CACNA2D1: variants seen among roughly 807,000 people sequenced by gnomAD.
The protein encoded by CACNA2D1 is voltage-dependent calcium channel subunit alpha-2/delta-1.
A neutral mutation model predicts 171.5 loss-of-function variants in CACNA2D1; 53 were observed. The observed-to-expected ratio is 0.31, with a 90% CI of 0.25 to 0.39. CACNA2D1 has a LOEUF of 0.39. CACNA2D1 is among the 10% of genes least tolerant of loss of function. The pLI, the probability that CACNA2D1 is intolerant of heterozygous loss-of-function variation, is 1.00. For synonymous variants in CACNA2D1, 442 were observed against 443.1 expected, an observed-to-expected ratio of 1.00 and a Z score of 0.03; for missense variants, 903 against 1,299.8, an observed-to-expected ratio of 0.69 and a Z score of 4.69.
At chr7:82,375,656 G>A (rs1225180746) in intron 1 of CACNA2D1, among the ~76,000 whole-genome samples, 1 of 152,092 alleles carries the variant, frequency 6.6e-6, no homozygotes, top group African/African-American at 2.4e-5. Context: ...CAAAGTTAAC[G>A]AGCTTTCTGT....
chr7:81,947,966 C>T lies in CACNA2D1; in HGVS notation c.*2426G>A, dbSNP rs1792169952. ...CATGCATATAAATATATTTTGATGG[C>T]AACAGAAATTAAATAGGATCCTGCC... On this transcript the variant is annotated 3_prime_UTR_variant, in exon 39 of 39. Coordinates refer to ENST00000356860, the MANE Select transcript of CACNA2D1 (RefSeq NM_000722.4). 6.6e-6 allele frequency: 1 copy of T among 151,478 alleles called. No individual in the cohort carries two copies. The highest frequency in any genetic ancestry group is 1.5e-5 in the Non-Finnish European group (1 of 67,726). 9.4% of individuals were successfully genotyped at this position (151,478 alleles called of 1,614,324 possible).
At chr7:82,009,856 A>G (rs1293675250) in intron 15 of CACNA2D1, among the ~76,000 whole-genome samples, 2 of 152,058 alleles carry the variant, frequency 1.3e-5, no homozygotes, top group Non-Finnish European at 2.9e-5. Context: ...TGGAATTTTA[A>G]AAATATTTTC....
intron 3 of CACNA2D1, among the ~76,000 whole-genome samples, chr7:82,198,610 T>C (rs1799084638): frequency 6.6e-6 from 1 of 151,622 alleles, no homozygotes; most frequent in Non-Finnish European, 1.5e-5. Flanking sequence ...GGTTTAAGAA[T>C]AGGAAAACAA....
intron 1 of CACNA2D1, among the ~76,000 whole-genome samples, chr7:82,388,885 G>C (rs1419334692): frequency 1.3e-5 from 2 of 151,936 alleles, no homozygotes; most frequent in Non-Finnish European, 2.9e-5. Flanking sequence ...GGAGGCCGAG[G>C]CTGGCGGATG....
intron 3 of CACNA2D1, among the ~76,000 whole-genome samples, chr7:82,242,260 A>G (rs1563248632): frequency 6.9e-6 from 1 of 145,798 alleles, no homozygotes; most frequent in Non-Finnish European, 1.6e-5. Flanking sequence ...TGTACAATAC[A>G]TCATACTAAA....
intron 17 of CACNA2D1, 94 bp from the exon 18 acceptor site, chr7:82,005,591 G>T: frequency 1.1e-6 from 1 of 884,360 alleles, no homozygotes; most frequent in Non-Finnish European, 1.8e-6. Flanking sequence ...AATACACATT[G>T]TATAGCATGT....
At chr7:82,280,184 G>T (rs1378650519) in intron 3 of CACNA2D1, among the ~76,000 whole-genome samples, 1 of 152,110 alleles carries the variant, frequency 6.6e-6, no homozygotes, top group African/African-American at 2.4e-5. Flanking sequence ...CATGTTACTT[G>T]TATGATATTT....
intron 2 of CACNA2D1, among the ~76,000 whole-genome samples, chr7:82,341,952 G>A (rs1818699137): frequency 6.6e-6 from 1 of 150,816 alleles, no homozygotes. Flanking sequence ...TATCTGGGAG[G>A]CTGAGGCAGG....
At chr7:82,200,745 A>G (rs928736278) in intron 3 of CACNA2D1, among the ~76,000 whole-genome samples, 1 of 152,204 alleles carries the variant, frequency 6.6e-6, no homozygotes, top group Non-Finnish European at 1.5e-5. Flanking sequence ...AAAAGATTCT[A>G]AACACCAAAT....
At chr7:82,413,867 T>C (rs983184771) in intron 1 of CACNA2D1, among the ~76,000 whole-genome samples, 2 of 152,108 alleles carry the variant, frequency 1.3e-5, no homozygotes, top group African/African-American at 4.8e-5. Flanking sequence ...GAATGTAATA[T>C]ATATATAAAA....
chr7:82,031,368 CCATT>C, intron 12 of CACNA2D1, among the ~76,000 whole-genome samples: 1 of 151,914 alleles, frequency 6.6e-6, no homozygotes, highest in Admixed American at 6.6e-5. Context: ...CTGGATATTC[CCATT>C]CATTTCTGAT....
Position 81,983,203 on chromosome 7 carries a change from A to G in CACNA2D1, c.1894+111T>C, listed in dbSNP as rs1796612518. Reference sequence around the variant, plus strand: ...CTAAGTTTTGAGTGATCATGAAGGAAAATTTAGCAAATGAGAAGCACAGAG... The same window carrying G: ...CTAAGTTTTGAGTGATCATGAAGGAGAATTTAGCAAATGAGAAGCACAGAG... On this transcript the variant is annotated intron_variant, in intron 23 of 38. Transcript: ENST00000356860. 7 of 929,220 alleles carry G rather than the reference A, an allele frequency of 7.5e-6. No individual in the cohort carries two copies. In the Middle Eastern group the frequency reaches 8.7e-4, roughly 116 times the overall value. 57.6% of individuals were successfully genotyped at this position (929,220 alleles called of 1,614,324 possible). A position where few individuals can be genotyped will look rare whatever the true frequency, so the allele number is the denominator to read the frequency against.
chr7:82,147,542 C>A (rs1793285523), intron 4 of CACNA2D1, among the ~76,000 whole-genome samples: 1 of 152,038 alleles, frequency 6.6e-6, no homozygotes, highest in Non-Finnish European at 1.5e-5. Context: ...AAAATTTAAT[C>A]TTCTAAAACA....
chr7:82,076,831 T>G (rs925565160), intron 7 of CACNA2D1, among the ~76,000 whole-genome samples: 3 of 152,192 alleles, frequency 2.0e-5, no homozygotes, highest in African/African-American at 7.2e-5. Context: ...ACTATTGGAT[T>G]AACTGACCTC....
chr7:82,381,069 C>A (rs556069202), intron 1 of CACNA2D1, among the ~76,000 whole-genome samples: 1 of 151,884 alleles, frequency 6.6e-6, no homozygotes, highest in East Asian at 2.0e-4. Context: ...TCCCAGCACT[C>A]TGGGAGGCCG....
At chr7:81,965,756 A>C (rs546313588) in intron 31 of CACNA2D1, 91 bp from the exon 32 acceptor site, 3 of 790,392 alleles carry the variant, frequency 3.8e-6, no homozygotes, top group Non-Finnish European at 6.8e-6. Context: ...TTAGAGCAAT[A>C]AAAATAGAAA....
intron 6 of CACNA2D1, among the ~76,000 whole-genome samples, chr7:82,102,994 A>T (rs1420601820): frequency 6.6e-6 from 1 of 152,138 alleles, no homozygotes; most frequent in Non-Finnish European, 1.5e-5. Context: ...TTTAATAATT[A>T]TTTATGTGGA....
chr7:82,149,372 G>A (rs1793528013), intron 4 of CACNA2D1, among the ~76,000 whole-genome samples: 1 of 152,110 alleles, frequency 6.6e-6, no homozygotes, highest in Non-Finnish European at 1.5e-5. Flanking sequence ...GGTGATCCCA[G>A]GAGACACCAA....
chr7:82,416,934 TG>T (rs1828235543), intron 1 of CACNA2D1, among the ~76,000 whole-genome samples: 1 of 152,188 alleles, frequency 6.6e-6, no homozygotes, highest in Admixed American at 6.5e-5. Flanking sequence ...ACTCTTAAAC[TG>T]CTATTGTGGA....
Sources: gnomAD v4.1 joint callset for allele counts (sites outside exome capture counted in the v4.1 genomes callset) on GRCh38, gnomAD v4.1.1 for gene constraint, MANE v1.5 for transcripts, NCBI Gene and HGNC (gene_info 2026-07-23, HGNC 2026-07-21) for gene names.